The following EYS variants were observed in gnomAD, a reference collection of about 807,000 sequenced individuals.
The protein encoded by EYS is protein eyes shut homolog.
In EYS, 250 loss-of-function variants were observed where a neutral mutation model predicts 282.1. The observed-to-expected ratio is 0.89, with a 90% CI of 0.80 to 0.98. The LOEUF (loss-of-function observed/expected upper bound fraction) is 0.98. Among genes scored for constraint, EYS ranks in the 50% least tolerant of loss-of-function variants. The pLI is 0.00. For synonymous variants in EYS, 1,355 were observed against 1,282.9 expected, an observed-to-expected ratio of 1.06 and a Z score of -1.20; for missense variants, 4,016 against 3,709.0, an observed-to-expected ratio of 1.08 and a Z score of -2.15.
chr6:65,385,686 A>G lies in EYS; in HGVS notation c.1185-1186T>C, dbSNP rs140009776. Among the ~76,000 whole-genome samples the G allele has an allele frequency of 3.6e-3, 555 of 152,104 alleles. 2 individuals are homozygous for G. Among genetic ancestry groups the G allele is most frequent in the Middle Eastern group, 0.01 (3 of 294 alleles). On this transcript the variant is annotated intron_variant, in intron 7 of 42. Transcript: ENST00000503581. Reference sequence around the variant, plus strand: ...ACTTACAAATTTTACAGTGGTTAATAAAATTAAGTTTGTCCTAACTTTAAG... The same window carrying G: ...ACTTACAAATTTTACAGTGGTTAATGAAATTAAGTTTGTCCTAACTTTAAG...
In EYS at chr6:65,517,558, A is replaced by C. The variant is rs181733599; in HGVS notation, c.-332-21565T>G. ...TATTTTAAAATGATGCTGTAATTAC[A>C]TCCTCATGAGGTCTATGGTTAGGCA... is the stretch of plus-strand genomic sequence containing the variant. On this transcript the variant is annotated intron_variant, in intron 2 of 42. Coordinates refer to ENST00000503581, the MANE Select transcript of EYS (RefSeq NM_001142800.2). Among the ~76,000 whole-genome samples the C allele has an allele frequency of 8.3e-4, 127 of 152,178 alleles. 1 individual carries two copies. The highest frequency in any genetic ancestry group is 2.7e-3 in the African/African-American group (112 of 41,564).
chr6:65,173,918 A>C (rs1765168322), intron 12 of EYS, among the ~76,000 whole-genome samples: 1 of 151,304 alleles, frequency 6.6e-6, no homozygotes, highest in Non-Finnish European at 1.5e-5. Flanking sequence ...TTTTTACTAA[A>C]ATTTCATACA....
chr6:65,352,642 T>G (rs560668345), intron 9 of EYS, among the ~76,000 whole-genome samples: 1 of 151,962 alleles, frequency 6.6e-6, no homozygotes, highest in East Asian at 1.9e-4. Flanking sequence ...AACAAGATCT[T>G]CCATTTATTT....
intron 15 of EYS, among the ~76,000 whole-genome samples, chr6:64,921,230 C>T (rs746258104): frequency 8.2e-4 from 125 of 151,912 alleles, no homozygotes; most frequent in Non-Finnish European, 1.4e-3. Context: ...TTCAGTTAGC[C>T]GATGTAAAAA....
chr6:64,372,148 T>G (rs1452529471), intron 29 of EYS, among the ~76,000 whole-genome samples: 3 of 130,368 alleles, frequency 2.3e-5, no homozygotes, highest in African/African-American at 2.8e-5. Context: ...TTTTTTTTTT[T>G]TTTTTTTTTT....
At chr6:63,767,791 G>T (rs929775710) in intron 40 of EYS, among the ~76,000 whole-genome samples, 4 of 152,040 alleles carry the variant, frequency 2.6e-5, no homozygotes, top group African/African-American at 9.6e-5. Flanking sequence ...AAAAGAACAA[G>T]GCCGGAGACA....
At chr6:65,043,429 A>G (rs1160643683) in intron 13 of EYS, among the ~76,000 whole-genome samples, 1 of 151,440 alleles carries the variant, frequency 6.6e-6, no homozygotes, top group African/African-American at 2.4e-5. Context: ...GAGTATGTTA[A>G]TGGTAATCTA....
rs67700846 is a variant in EYS at position 64,692,977 on chromosome 6, C to CTTTTT, written c.3444-66737_3444-66733dup. ...CTTGGGATTGGTTTGGCTGCTTGGG[C>CTTTTT]TTTTTTTTTTTTTTTTTTTTTTGGT... On this transcript the variant is annotated intron_variant, in intron 22 of 42. Transcript: ENST00000503581. Among the ~76,000 whole-genome samples, 69 of 11,496 alleles carry CTTTTT rather than the reference C, an allele frequency of 6.0e-3. 16 individuals carry two copies. Among genetic ancestry groups the CTTTTT allele is most frequent in the South Asian group, 0.017 (2 of 120 alleles). 7.5% of individuals were successfully genotyped at this position (11,496 alleles called of 152,430 possible). A position where few individuals can be genotyped will look rare whatever the true frequency, so the allele number is the denominator to read the frequency against.
chr6:65,560,409 T>C (rs915647739), intron 2 of EYS, among the ~76,000 whole-genome samples: 2 of 146,530 alleles, frequency 1.4e-5, no homozygotes, highest in Non-Finnish European at 3.0e-5. Context: ...AACATAATTA[T>C]ATAATAACAA....
At chr6:64,495,859 AATAAT>A (rs777470186) in intron 26 of EYS, among the ~76,000 whole-genome samples, 4 of 151,906 alleles carry the variant, frequency 2.6e-5, no homozygotes, top group Non-Finnish European at 5.9e-5. Context: ...TGGAAGATTT[AATAAT>A]ATATTTTCTG....
At chr6:63,870,541 G>T (rs1772776254) in intron 35 of EYS, among the ~76,000 whole-genome samples, 1 of 151,832 alleles carries the variant, frequency 6.6e-6, no homozygotes, top group African/African-American at 2.4e-5. Context: ...AATTTTTTTT[G>T]CAGTTTCTCA....
At chr6:64,747,166 T>A (rs978611287) in intron 22 of EYS, among the ~76,000 whole-genome samples, 21 of 152,186 alleles carry the variant, frequency 1.4e-4, no homozygotes, top group Admixed American at 9.8e-4. Context: ...TAAAACTACT[T>A]TGTAATTTTT....
At chr6:63,858,342 G>A (rs955447093) in intron 36 of EYS, among the ~76,000 whole-genome samples, 4 of 152,154 alleles carry the variant, frequency 2.6e-5, no homozygotes, top group Non-Finnish European at 5.9e-5. Context: ...TTACAGGCGT[G>A]AGCCACCATG....
At chr6:64,061,545 T>G (rs1214297164) in intron 33 of EYS, among the ~76,000 whole-genome samples, 1 of 152,240 alleles carries the variant, frequency 6.6e-6, no homozygotes, top group African/African-American at 2.4e-5. Flanking sequence ...TATTCAAGTT[T>G]GTTCTACTTC....
rs564727475 is a variant in EYS, at chr6:65,316,566, G to T, written c.1766+18414C>A. 2.0e-5 allele frequency among the ~76,000 whole-genome samples: 3 copies of T among 150,538 alleles called. No homozygotes were observed. In the South Asian group the frequency reaches 6.4e-4, roughly 32 times the overall value. ...TACATAGGTATACAAGTGCCACGGT[G>T]GTTTGCTGCACCCATCAACCCATCA... On this transcript the variant is annotated intron_variant, in intron 11 of 42. Coordinates refer to ENST00000503581, the MANE Select transcript of EYS (RefSeq NM_001142800.2).
intron 11 of EYS, among the ~76,000 whole-genome samples, chr6:65,298,118 A>C (rs1768717362): frequency 6.6e-6 from 1 of 152,236 alleles, no homozygotes; most frequent in African/African-American, 2.4e-5. Flanking sequence ...GCATATCTTT[A>C]TAATTCTTCC....
intron 29 of EYS, among the ~76,000 whole-genome samples, chr6:64,388,201 A>G (rs1772975156): frequency 6.6e-6 from 1 of 152,156 alleles, no homozygotes; most frequent in African/African-American, 2.4e-5. Context: ...TAAGCTAATT[A>G]TCTAAATGGA....
chr6:64,125,931 ATTATAC>A (rs1773771365), intron 31 of EYS, among the ~76,000 whole-genome samples: 1 of 106,624 alleles, frequency 9.4e-6, no homozygotes. Flanking sequence ...TTTTTTTTTT[ATTATAC>A]TTTAAGTTTT....
At chr6:64,490,734 T>G (rs968897900) in intron 26 of EYS, among the ~76,000 whole-genome samples, 6 of 150,824 alleles carry the variant, frequency 4.0e-5, no homozygotes, top group Admixed American at 6.6e-5. Flanking sequence ...ACTTTTTAAA[T>G]TTTTTTCAGT....
Sources: allele counts gnomAD v4.1 joint callset (sites outside exome capture counted in the v4.1 genomes callset), GRCh38; gene constraint gnomAD v4.1.1; transcripts MANE v1.5; gene names NCBI Gene and HGNC (gene_info 2026-07-23, HGNC 2026-07-21).